Variants in ZBTB20 observed in about 807,000 individuals in gnomAD.
The protein encoded by ZBTB20 is zinc finger and BTB domain containing 20.
Under a neutral mutation model 56.9 loss-of-function variants are expected in ZBTB20, and 9 were observed. The ratio of observed to expected loss-of-function variants is 0.16; its 90% confidence interval spans 0.10 to 0.28. The LOEUF (loss-of-function observed/expected upper bound fraction) is 0.28, where lower values mean the gene tolerates loss of function less well. Among genes scored for constraint, ZBTB20 ranks in the 10% least tolerant of loss-of-function variants. The probability of loss-of-function intolerance (pLI) is 1.00; values close to 1 mark genes in which losing one functional copy is unlikely to be tolerated. For missense variants in ZBTB20, 655 were observed against 1,003.0 expected, an observed-to-expected ratio of 0.65 and a Z score of 4.69; for synonymous variants, 417 against 420.7, an observed-to-expected ratio of 0.99 and a Z score of 0.11.
At chr3:114,445,196 A>C (rs149287553) in intron 7 of ZBTB20, among the ~76,000 whole-genome samples, 3 of 152,310 alleles carry the variant, frequency 2.0e-5, no homozygotes, top group Non-Finnish European at 4.4e-5. Flanking sequence ...ACACTGGACA[A>C]CCAAAGCTTA....
chr3:114,885,583 T>A (rs1039282542), intron 4 of ZBTB20, among the ~76,000 whole-genome samples: 1 of 135,046 alleles, frequency 7.4e-6, no homozygotes, highest in Non-Finnish European at 1.6e-5. Flanking sequence ...TTTTTTTTTT[T>A]TCGGCAACAG....
intron 6 of ZBTB20, among the ~76,000 whole-genome samples, chr3:114,623,270 G>A (rs920894712): frequency 3.3e-5 from 5 of 152,186 alleles, no homozygotes; most frequent in African/African-American, 1.2e-4. Flanking sequence ...GCTGGTCCGT[G>A]GACTCCTCTG....
At chr3:114,369,953 G>A (rs1045621435) in intron 10 of ZBTB20, among the ~76,000 whole-genome samples, 4 of 152,182 alleles carry the variant, frequency 2.6e-5, no homozygotes. Flanking sequence ...GTAAGGAACT[G>A]AGTTAATATT....
chr3:114,568,006 G>A (rs1276276015), intron 6 of ZBTB20, among the ~76,000 whole-genome samples: 1 of 152,224 alleles, frequency 6.6e-6, no homozygotes, highest in African/African-American at 2.4e-5. Flanking sequence ...GCAGGGTGCA[G>A]CAGCATGTGC....
intron 3 of ZBTB20, among the ~76,000 whole-genome samples, chr3:114,945,017 T>C (rs1000847378): frequency 6.9e-6 from 1 of 145,732 alleles, no homozygotes; most frequent in African/African-American, 2.8e-5. Context: ...TTTGAGGTGA[T>C]GGATGCTAAT....
intron 5 of ZBTB20, among the ~76,000 whole-genome samples, chr3:114,694,555 A>AT (rs201922118): frequency 1.3e-5 from 2 of 151,872 alleles, no homozygotes; most frequent in African/African-American, 4.8e-5. Context: ...ACCCTATAGA[A>AT]TTTTTTTTAT....
intron 2 of ZBTB20, among the ~76,000 whole-genome samples, chr3:115,030,558 T>A (rs2080626207): frequency 6.6e-6 from 1 of 151,110 alleles, no homozygotes; most frequent in Non-Finnish European, 1.5e-5. Context: ...GTCTTCTAAT[T>A]AAGATTATTC....
intron 6 of ZBTB20, among the ~76,000 whole-genome samples, chr3:114,619,107 T>C (rs1045649592): frequency 8.5e-5 from 13 of 152,174 alleles, no homozygotes; most frequent in Non-Finnish European, 1.3e-4. Context: ...GCAGCATTCA[T>C]AGCTTAAGGA....
At chr3:114,991,399 C>T (rs148520280) in intron 2 of ZBTB20, among the ~76,000 whole-genome samples, 1 of 151,460 alleles carries the variant, frequency 6.6e-6, no homozygotes, top group East Asian at 1.9e-4. Flanking sequence ...ATTCAGTTTC[C>T]GTAGTTGAGT....
intron 6 of ZBTB20, among the ~76,000 whole-genome samples, chr3:114,686,168 A>G (rs567232703): frequency 6.0e-4 from 91 of 152,234 alleles, no homozygotes; most frequent in Non-Finnish European, 1.2e-3. Context: ...GGAGCTTAAT[A>G]TAATTACTGA....
chr3:114,511,100 TAAAA>T (rs63221060), intron 6 of ZBTB20, among the ~76,000 whole-genome samples: 2 of 129,338 alleles, frequency 1.5e-5, no homozygotes, highest in Non-Finnish European at 3.4e-5. Context: ...GTCCACATGC[TAAAA>T]AAAAAAAAAA....
chr3:114,794,913 T>C (rs1473169419), intron 5 of ZBTB20, among the ~76,000 whole-genome samples: 1 of 151,940 alleles, frequency 6.6e-6, no homozygotes, highest in Non-Finnish European at 1.5e-5. Context: ...TACACCAAAA[T>C]TAAAAATGAG....
At chr3:114,409,596 G>A (rs1478451631) in intron 7 of ZBTB20, among the ~76,000 whole-genome samples, 1 of 152,012 alleles carries the variant, frequency 6.6e-6, no homozygotes, top group African/African-American at 2.4e-5. Context: ...AGTTGATATA[G>A]CACATTTTAG....
intron 6 of ZBTB20, among the ~76,000 whole-genome samples, chr3:114,673,907 C>T (rs2061494136): frequency 6.6e-6 from 1 of 152,064 alleles, no homozygotes; most frequent in Non-Finnish European, 1.5e-5. Flanking sequence ...AATTTTGAAT[C>T]GGTTGCTTAC....
At chr3:114,684,161 T>C (rs1271037869) in intron 6 of ZBTB20, among the ~76,000 whole-genome samples, 2 of 152,204 alleles carry the variant, frequency 1.3e-5, no homozygotes, top group African/African-American at 4.8e-5. Flanking sequence ...CAAGATCAGA[T>C]TTTTAGCAGT....
At chr3:114,827,309 A>G (rs2073584071) in intron 4 of ZBTB20, among the ~76,000 whole-genome samples, 1 of 151,738 alleles carries the variant, frequency 6.6e-6, no homozygotes, top group African/African-American at 2.4e-5. Flanking sequence ...GAATATTGCA[A>G]GTATTAATAC....
chr3:114,944,864 A>T (rs1388992998), intron 3 of ZBTB20, among the ~76,000 whole-genome samples: 2 of 145,534 alleles, frequency 1.4e-5, no homozygotes, highest in Non-Finnish European at 1.5e-5. Flanking sequence ...TTCAAAAAGC[A>T]CAAAGTTTCA....
rs750294629 is a variant in ZBTB20, at chr3:114,725,496, C to T, written c.-342-31921G>A. 3.2e-4 allele frequency among the ~76,000 whole-genome samples: 49 copies of T among 152,256 alleles called. 1 individual carries two copies. The highest frequency in any genetic ancestry group is 1.9e-4 in the East Asian group (1 of 5,188). On this transcript the variant is annotated intron_variant, in intron 5 of 11. Coordinates refer to ENST00000675478, the MANE Select transcript of ZBTB20 (RefSeq NM_001348800.3). ...ATTGTAGAATAAAGTATTTTCAAAA[C>T]GCATTAATCGAAATTGATAATGAAA...
At chr3:114,395,672 G>A (rs953222518) in intron 7 of ZBTB20, among the ~76,000 whole-genome samples, 7 of 152,102 alleles carry the variant, frequency 4.6e-5, no homozygotes, top group African/African-American at 1.7e-4. Context: ...GAACACCATC[G>A]TCAGCTTACT....
Sources: allele counts gnomAD v4.1 joint callset (sites outside exome capture counted in the v4.1 genomes callset), GRCh38; gene constraint gnomAD v4.1.1; transcripts MANE v1.5; gene names NCBI Gene and HGNC (gene_info 2026-07-23, HGNC 2026-07-21).